The following OXSR1 variants were observed in gnomAD, a reference collection of about 807,000 sequenced individuals.
OXSR1 encodes serine/threonine-protein kinase OSR1.
A neutral mutation model predicts 79.8 loss-of-function variants in OXSR1; 24 were observed. The observed-to-expected ratio is 0.30, with a 90% CI of 0.22 to 0.42. The LOEUF (loss-of-function observed/expected upper bound fraction) is 0.42, where lower values mean the gene tolerates loss of function less well. Among genes scored for constraint, OXSR1 ranks in the 10% least tolerant of loss-of-function variants. The pLI is 1.00. For missense variants in OXSR1, 430 were observed against 618.4 expected (o/e 0.70, Z 3.23); for synonymous variants, 226 against 209.2 (o/e 1.08, Z -0.69).
At chr3:38,227,453 T>C (rs1185907360) in intron 8 of OXSR1, among the ~76,000 whole-genome samples, 1 of 151,888 alleles carries the variant, frequency 6.6e-6, no homozygotes, top group Non-Finnish European at 1.5e-5. Context: ...GCTCAGAATG[T>C]GGCACAGAAA....
intron 4 of OXSR1, among the ~76,000 whole-genome samples, chr3:38,212,020 T>A (rs1444914768): frequency 1.3e-5 from 2 of 152,196 alleles, no homozygotes; most frequent in African/African-American, 4.8e-5. Flanking sequence ...GGGCTGCATA[T>A]TGGAATATGG....
chr3:38,191,303 C>T (rs181857310), intron 3 of OXSR1, among the ~76,000 whole-genome samples: 56 of 151,990 alleles, frequency 3.7e-4, no homozygotes, highest in African/African-American at 1.4e-3. Context: ...TGTCTTCAAG[C>T]GATCCTTCCT....
intron 5 of OXSR1, among the ~76,000 whole-genome samples, chr3:38,219,790 A>ATGT (rs1402702041): frequency 6.8e-6 from 1 of 146,090 alleles, no homozygotes; most frequent in African/African-American, 2.5e-5. Flanking sequence ...GATGATGATG[A>ATGT]TGATGATGAT....
intron 4 of OXSR1, among the ~76,000 whole-genome samples, chr3:38,206,865 A>G (rs1702272392): frequency 6.6e-6 from 1 of 152,220 alleles, no homozygotes; most frequent in Admixed American, 6.5e-5. Context: ...CTCTGTCACT[A>G]ATTGGGTGAC....
intron 4 of OXSR1, among the ~76,000 whole-genome samples, chr3:38,202,087 A>G (rs1329113622): frequency 6.6e-6 from 1 of 152,166 alleles, no homozygotes; most frequent in Non-Finnish European, 1.5e-5. Flanking sequence ...GTCATAGTAG[A>G]GTAGTTGAAT....
At chr3:38,228,023 C>T (rs941850461) in intron 8 of OXSR1, among the ~76,000 whole-genome samples, 11 of 152,184 alleles carry the variant, frequency 7.2e-5, no homozygotes, top group Non-Finnish European at 7.3e-5. Context: ...CTTACACAAA[C>T]TTTGATGGTA....
At chr3:38,214,037 C>T (rs1429334890) in intron 4 of OXSR1, among the ~76,000 whole-genome samples, 1 of 152,032 alleles carries the variant, frequency 6.6e-6, no homozygotes, top group African/African-American at 2.4e-5. Context: ...TAGATTGTTC[C>T]CATTTTTGAC....
At chr3:38,195,951 A>G (rs539628483) in intron 3 of OXSR1, among the ~76,000 whole-genome samples, 15 of 152,312 alleles carry the variant, frequency 9.8e-5, no homozygotes, top group African/African-American at 3.4e-4. Flanking sequence ...TATTCTGAAA[A>G]ATGTTTGGAT....
chr3:38,182,563 A>G (rs899240390), intron 1 of OXSR1, among the ~76,000 whole-genome samples: 1 of 152,196 alleles, frequency 6.6e-6, no homozygotes, highest in African/African-American at 2.4e-5. Context: ...TCTGGTGTCC[A>G]GTCTGGGATA....
intron 11 of OXSR1, among the ~76,000 whole-genome samples, chr3:38,242,358 G>C (rs556082193): frequency 5.3e-5 from 8 of 152,284 alleles, no homozygotes; most frequent in Non-Finnish European, 8.8e-5. Context: ...TCTGCTTTGA[G>C]AATGTGTTGG....
At chr3:38,231,631 C>T (rs1182872596) in intron 10 of OXSR1, among the ~76,000 whole-genome samples, 1 of 152,132 alleles carries the variant, frequency 6.6e-6, no homozygotes, top group African/African-American at 2.4e-5. Context: ...AGAACAGGGA[C>T]TTTTTTTCAT....
At chr3:38,252,459 C>T (rs1703277978) in intron 17 of OXSR1, 67 bp downstream of exon 17, 2 of 983,486 alleles carry the variant, frequency 2.0e-6, no homozygotes, top group Non-Finnish European at 3.3e-6. Flanking sequence ...TCCAGACCAG[C>T]TTCTATATCC....
At chr3:38,197,710 A>G (rs551784876) in intron 3 of OXSR1, among the ~76,000 whole-genome samples, 5 of 152,238 alleles carry the variant, frequency 3.3e-5, no homozygotes, top group East Asian at 1.9e-4. Flanking sequence ...TCAGTCCTTC[A>G]TGTTTTTGAG....
chr3:38,200,574 C>T (rs1309728456), intron 4 of OXSR1, among the ~76,000 whole-genome samples: 1 of 152,110 alleles, frequency 6.6e-6, no homozygotes, highest in Non-Finnish European at 1.5e-5. Flanking sequence ...AACAGGGAAG[C>T]GTAAACCTAC....
rs1575309182 is a variant in OXSR1, at chr3:38,177,429, A to G, written c.71-5574A>G. Among the ~76,000 whole-genome samples the G allele has an allele frequency of 2.6e-5, 4 of 152,356 alleles. No homozygotes were observed. The South Asian group carries it at 8.3e-4, about 32-fold the overall frequency. ...CCAAGAAGCAGATCAACTGCAAACT[A>G]TTTCAATAGTAGCCTGTTGAATGAT... On this transcript the variant is annotated intron_variant, in intron 1 of 17. Transcript: ENST00000311806.
chr3:38,245,000 C>G (rs1001666672), intron 12 of OXSR1, among the ~76,000 whole-genome samples: 2 of 152,044 alleles, frequency 1.3e-5, no homozygotes, highest in Non-Finnish European at 2.9e-5. Flanking sequence ...TAAGTACATA[C>G]AATTTGGAAG....
At chr3:38,209,050 T>G (rs1702331406) in intron 4 of OXSR1, among the ~76,000 whole-genome samples, 1 of 152,132 alleles carries the variant, frequency 6.6e-6, no homozygotes, top group South Asian at 2.1e-4. Context: ...TTCTCCATGT[T>G]GTGATTACTC....
At chr3:38,213,481 A>G (rs1271876527) in intron 4 of OXSR1, among the ~76,000 whole-genome samples, 2 of 152,194 alleles carry the variant, frequency 1.3e-5, no homozygotes, top group African/African-American at 4.8e-5. Context: ...ATATAGTATA[A>G]TATGGTATCC....
intron 1 of OXSR1, among the ~76,000 whole-genome samples, chr3:38,173,838 TTATAATC>T (rs1464374787): frequency 1.3e-5 from 2 of 152,188 alleles, no homozygotes; most frequent in African/African-American, 2.4e-5. Flanking sequence ...TTCACAGAGT[TTATAATC>T]TAGAAACTCT....
Sources: gnomAD v4.1 joint callset for allele counts (sites outside exome capture counted in the v4.1 genomes callset) on GRCh38, gnomAD v4.1.1 for gene constraint, MANE v1.5 for transcripts, NCBI Gene and HGNC (gene_info 2026-07-23, HGNC 2026-07-21) for gene names.